Variants in LRRC4C observed in about 807,000 individuals in gnomAD.
LRRC4C encodes the protein leucine rich repeat containing 4C, also known as leucine-rich repeat-containing protein 4C.
In LRRC4C, 5 loss-of-function variants were observed where a neutral mutation model predicts 33.6. That is an observed-to-expected ratio of 0.15 (90% CI 0.08 to 0.31). LRRC4C has a LOEUF of 0.31. Among genes scored for constraint, LRRC4C ranks in the 10% least tolerant of loss-of-function variants. The probability of loss-of-function intolerance (pLI) is 1.00; values close to 1 mark genes in which losing one functional copy is unlikely to be tolerated. For missense variants in LRRC4C, 560 were observed against 796.7 expected (o/e 0.70, Z 3.58); for synonymous variants, 329 against 302.0 (o/e 1.09, Z -0.93).
intron 4 of LRRC4C, among the ~76,000 whole-genome samples, chr11:40,299,769 G>A (rs1647351065): frequency 6.6e-6 from 1 of 152,168 alleles, no homozygotes; most frequent in African/African-American, 2.4e-5. Context: ...GGAAGAATGT[G>A]GATAGATAGT....
intron 2 of LRRC4C, among the ~76,000 whole-genome samples, chr11:40,700,142 AG>A (rs1945796397): frequency 6.6e-6 from 1 of 152,150 alleles, no homozygotes; most frequent in African/African-American, 2.4e-5. Flanking sequence ...AAGATAACTT[AG>A]CTAAAATGTA....
At chr11:40,966,845 T>A (rs769686532) in intron 1 of LRRC4C, among the ~76,000 whole-genome samples, 3 of 152,032 alleles carry the variant, frequency 2.0e-5, no homozygotes, top group Non-Finnish European at 4.4e-5. Flanking sequence ...GACTAGAGCA[T>A]CTCCTAGATA....
chr11:40,515,564 A>C (rs892767038), intron 3 of LRRC4C, among the ~76,000 whole-genome samples: 1 of 152,038 alleles, frequency 6.6e-6, no homozygotes, highest in African/African-American at 2.4e-5. Context: ...CTGGAATATT[A>C]TTTGACTTCA....
At chr11:40,656,487 T>G (rs962860824) in intron 2 of LRRC4C, among the ~76,000 whole-genome samples, 1 of 149,420 alleles carries the variant, frequency 6.7e-6, no homozygotes, top group Admixed American at 6.7e-5. Context: ...TTTTTTTTTT[T>G]GAAAAAGGCA....
At chr11:40,524,595 A>T (rs1052235730) in intron 3 of LRRC4C, among the ~76,000 whole-genome samples, 1 of 152,146 alleles carries the variant, frequency 6.6e-6, no homozygotes, top group Non-Finnish European at 1.5e-5. Flanking sequence ...TTATATTCTT[A>T]AAAAAAGGTG....
intron 3 of LRRC4C, among the ~76,000 whole-genome samples, chr11:40,349,715 C>T (rs2137072340): frequency 6.6e-6 from 1 of 152,250 alleles, no homozygotes; most frequent in South Asian, 2.1e-4. Context: ...CCCTTTTCTC[C>T]ACATTCTTGC....
At chr11:40,141,707 G>C (rs1304722157) in intron 5 of LRRC4C, among the ~76,000 whole-genome samples, 1 of 152,186 alleles carries the variant, frequency 6.6e-6, no homozygotes, top group East Asian at 1.9e-4. Context: ...GGAGGCAGAT[G>C]TTAAAATCTT....
chr11:41,092,839 C>T (rs1940524952), intron 1 of LRRC4C, among the ~76,000 whole-genome samples: 2 of 152,092 alleles, frequency 1.3e-5, no homozygotes, highest in Non-Finnish European at 1.5e-5. Flanking sequence ...ATTGTTATGC[C>T]TCATGGCATG....
At chr11:41,025,557 T>G (rs932709742) in intron 1 of LRRC4C, among the ~76,000 whole-genome samples, 1 of 151,236 alleles carries the variant, frequency 6.6e-6, no homozygotes, top group Admixed American at 6.6e-5. Context: ...GAAGAAAAGC[T>G]TGAAGCTAGC....
Position 41,006,584 on chromosome 11 carries a change from G to A in LRRC4C, c.-495-72861C>T, listed in dbSNP as rs562887227. Among the ~76,000 whole-genome samples the A allele has an allele frequency of 3.1e-4, 47 of 152,148 alleles. 1 individual carries two copies. Among genetic ancestry groups the A allele is most frequent in the Non-Finnish European group, 5.4e-4 (37 of 68,008 alleles). Reference sequence around the variant, plus strand: ...ATTTTCTTTATAATCTTACATATTTGTCTAGCTTAGTGTGTATTTCAGTTC... The same window carrying A: ...ATTTTCTTTATAATCTTACATATTTATCTAGCTTAGTGTGTATTTCAGTTC... On this transcript the variant is annotated intron_variant, in intron 1 of 6. Coordinates refer to ENST00000528697, the MANE Select transcript of LRRC4C (RefSeq NM_001258419.2).
chr11:40,705,342 G>A (rs1379059284), intron 2 of LRRC4C, among the ~76,000 whole-genome samples: 2 of 151,746 alleles, frequency 1.3e-5, no homozygotes, highest in African/African-American at 4.8e-5. Context: ...TTCTCCCAAC[G>A]CTATCCCTCC....
chr11:41,126,261 A>C (rs1942737830), intron 1 of LRRC4C, among the ~76,000 whole-genome samples: 1 of 152,076 alleles, frequency 6.6e-6, no homozygotes, highest in Admixed American at 6.6e-5. Flanking sequence ...TTTTAATAAA[A>C]AAAATAGCTT....
chr11:40,485,863 A>G (rs1174108436), intron 3 of LRRC4C, among the ~76,000 whole-genome samples: 1 of 151,992 alleles, frequency 6.6e-6, no homozygotes, highest in Non-Finnish European at 1.5e-5. Context: ...ATATGGATAG[A>G]GCCATTATCC....
intron 1 of LRRC4C, among the ~76,000 whole-genome samples, chr11:41,193,594 T>C (rs1304412932): frequency 6.6e-6 from 1 of 152,114 alleles, no homozygotes; most frequent in African/African-American, 2.4e-5. Context: ...AAGACAATCA[T>C]GAAATGAGTG....
At chr11:40,863,074 G>C (rs1313002347) in intron 2 of LRRC4C, among the ~76,000 whole-genome samples, 1 of 152,192 alleles carries the variant, frequency 6.6e-6, no homozygotes, top group African/African-American at 2.4e-5. Context: ...GTGCAAGGAG[G>C]AAGATGGAAT....
intron 1 of LRRC4C, among the ~76,000 whole-genome samples, chr11:41,152,395 G>A (rs1212748745): frequency 2.0e-5 from 3 of 152,102 alleles, no homozygotes; most frequent in Non-Finnish European, 4.4e-5. Flanking sequence ...CTGCTTCAAG[G>A]TTACAAAATC....
intron 3 of LRRC4C, among the ~76,000 whole-genome samples, chr11:40,560,131 C>T (rs1416313152): frequency 1.3e-5 from 2 of 152,144 alleles, no homozygotes. Flanking sequence ...GTGACCTGTT[C>T]TTGGAATATT....
At chr11:41,187,268 T>C (rs941670672) in intron 1 of LRRC4C, among the ~76,000 whole-genome samples, 1 of 152,174 alleles carries the variant, frequency 6.6e-6, no homozygotes, top group Non-Finnish European at 1.5e-5. Flanking sequence ...CCCCATTATG[T>C]GTCTGTACAA....
Position 40,708,650 on chromosome 11 carries a change from G to A in LRRC4C, c.-406-60372C>T, listed in dbSNP as rs370475338. On this transcript the variant is annotated intron_variant, in intron 2 of 6. Coordinates refer to ENST00000528697, the MANE Select transcript of LRRC4C (RefSeq NM_001258419.2). ...ACTTCCAACTATGTGGTCAATTTTG[G>A]AACAAGTGCAATGTGGTGCTGAGAA... 9.9e-5 allele frequency among the ~76,000 whole-genome samples: 15 copies of A among 152,254 alleles called. No individual in the cohort carries two copies. The East Asian group carries it at 1.3e-3, about 14-fold the overall frequency.
Sources: gnomAD v4.1 joint callset for allele counts (sites outside exome capture counted in the v4.1 genomes callset) on GRCh38, gnomAD v4.1.1 for gene constraint, MANE v1.5 for transcripts, NCBI Gene and HGNC (gene_info 2026-07-23, HGNC 2026-07-21) for gene names.